Variants in GARIN4 observed in about 807,000 individuals in gnomAD.
GARIN4 encodes the protein Golgi-associated RAB2 interactor protein 4.
At chr1:212,625,194 A>G in the GARIN4 span, 1 of 1,614,144 alleles carries the variant, frequency 6.2e-7, no homozygotes, top group Non-Finnish European at 8.5e-7. Flanking sequence ...CAGGCCACCA[A>G]GAGAAAAAAA....
chr1:212,625,540 C>A, the GARIN4 span: 3 of 1,614,104 alleles, frequency 1.9e-6, no homozygotes, highest in African/African-American at 4.0e-5. Context: ...AGGTCAGCAT[C>A]CAAAGCCTCC....
At chr1:212,626,337 G>A in the GARIN4 span, 1 of 1,614,230 alleles carries the variant, frequency 6.2e-7, no homozygotes, top group Non-Finnish European at 8.5e-7. Context: ...AGCAGGCACA[G>A]GGACTCGCAT....
the GARIN4 span, chr1:212,625,891 CA>C: frequency 6.2e-7 from 1 of 1,614,256 alleles, no homozygotes; most frequent in Admixed American, 1.7e-5. Context: ...TGGCTCCAAA[CA>C]GCACGAAGGT....
the GARIN4 span, chr1:212,624,678 T>A: frequency 2.1e-6 from 2 of 955,482 alleles, no homozygotes; most frequent in African/African-American, 1.7e-5. Flanking sequence ...ACAGCAATCA[T>A]CCGTGCTCCC....
the GARIN4 span, chr1:212,625,654 C>T: frequency 1.8e-4 from 293 of 1,613,900 alleles, no homozygotes; most frequent in Admixed American, 2.5e-4. Context: ...ATGCATCCAT[C>T]CCCAAAACAT....
At chr1:212,626,652 A>T in the GARIN4 span, 34 of 1,598,552 alleles carry the variant, frequency 2.1e-5, no homozygotes, top group Non-Finnish European at 2.8e-5. Context: ...GTGACCTTTG[A>T]AGCCCATTAA....
chr1:212,625,751 G>A, the GARIN4 span: 44 of 1,613,778 alleles, frequency 2.7e-5, no homozygotes, highest in African/African-American at 4.0e-5. Flanking sequence ...AACAGGCACC[G>A]TAGCAGGTGC....
chr1:212,624,905 T>C, the GARIN4 span: 7 of 1,605,500 alleles, frequency 4.4e-6, no homozygotes, highest in Admixed American at 1.7e-5. Context: ...GCTGCCGTAT[T>C]ATACGGCCCA....
At chr1:212,626,028 A>C in the GARIN4 span, 22 of 1,614,122 alleles carry the variant, frequency 1.4e-5, no homozygotes, top group Admixed American at 1.2e-4. Context: ...ACAGCTGCAG[A>C]AGCAGACATG....
chr1:212,626,572 C>T, the GARIN4 span: 19 of 1,613,998 alleles, frequency 1.2e-5, no homozygotes, highest in East Asian at 2.2e-5. Flanking sequence ...ACGTGGCCAT[C>T]GCCGAGACAG....
chr1:212,625,912 A>G, the GARIN4 span: 3 of 1,614,208 alleles, frequency 1.9e-6, no homozygotes, highest in Non-Finnish European at 1.7e-6. Context: ...TGGCTGTGGC[A>G]GGGGCTGCAG....
the GARIN4 span, chr1:212,626,612 G>T: frequency 6.2e-7 from 1 of 1,613,436 alleles, no homozygotes; most frequent in Non-Finnish European, 8.5e-7. Context: ...GGAGACGGTT[G>T]GTTCTATGAC....
At chr1:212,626,739 T>G in the GARIN4 span, 1 of 1,508,806 alleles carries the variant, frequency 6.6e-7, no homozygotes, top group African/African-American at 1.4e-5. Flanking sequence ...TCCAGCGTTC[T>G]TTACTGCCGT....
the GARIN4 span, chr1:212,625,194 A>T: frequency 1.9e-6 from 3 of 1,614,142 alleles, no homozygotes; most frequent in Non-Finnish European, 2.5e-6. Context: ...CAGGCCACCA[A>T]GAGAAAAAAA....
chr1:212,625,246 CCT>C, the GARIN4 span: 51 of 1,614,004 alleles, frequency 3.2e-5, no homozygotes, highest in Non-Finnish European at 3.1e-5. Context: ...GGCTTCTGCC[CCT>C]GAGGTTTGTA....
the GARIN4 span, chr1:212,625,101 G>A: frequency 1.4e-3 from 2,336 of 1,614,072 alleles, 6 homozygotes; most frequent in Middle Eastern, 4.0e-3. Context: ...GGCATTGCAC[G>A]TACCAGCCCC....
At chr1:212,624,675 T>A in the GARIN4 span, 1 of 890,054 alleles carries the variant, frequency 1.1e-6, no homozygotes. Context: ...CCCACAGCAA[T>A]CATCCGTGCT....
the GARIN4 span, chr1:212,625,796 C>G: frequency 1.2e-6 from 2 of 1,614,188 alleles, no homozygotes; most frequent in Non-Finnish European, 1.7e-6. Flanking sequence ...TGCCCCTGGA[C>G]AGGTGAGCGC....
At chr1:212,626,187 C>A in the GARIN4 span, 1 of 1,614,102 alleles carries the variant, frequency 6.2e-7, no homozygotes, top group Non-Finnish European at 8.5e-7. Context: ...GGAAGGAGTT[C>A]CCATCGCCGC....
Sources: gnomAD v4.1 joint callset for allele counts on GRCh38, gnomAD v4.1.1 for gene constraint, MANE v1.5 for transcripts, NCBI Gene and HGNC (gene_info 2026-07-23, HGNC 2026-07-21) for gene names.